CELF5: variants seen among roughly 807,000 people sequenced by gnomAD.
CELF5 encodes CUGBP Elav-like family member 5.
Under a neutral mutation model 54.9 loss-of-function variants are expected in CELF5, and 6 were observed. The observed-to-expected ratio is 0.11, with a 90% confidence interval of 0.06 to 0.22. The LOEUF (loss-of-function observed/expected upper bound fraction) is 0.22. Among genes scored for constraint, CELF5 ranks in the 10% least tolerant of loss-of-function variants. CELF5 has a pLI of 1.00. For missense variants in CELF5, 401 were observed against 678.6 expected, an observed-to-expected ratio of 0.59 and a Z score of 4.54; for synonymous variants, 271 against 290.9, an observed-to-expected ratio of 0.93 and a Z score of 0.70.
At chr19:3,263,870 A>G (rs1308201927) in intron 2 of CELF5, among the ~76,000 whole-genome samples, 3 of 152,172 alleles carry the variant, frequency 2.0e-5, no homozygotes, top group South Asian at 4.1e-4. Flanking sequence ...GCACCACTGC[A>G]CTCCAGGCTG....
At chr19:3,271,161 G>T (rs1183470495) in intron 2 of CELF5, among the ~76,000 whole-genome samples, 1 of 151,768 alleles carries the variant, frequency 6.6e-6, no homozygotes, top group Non-Finnish European at 1.5e-5. Flanking sequence ...TGCTGGGAGG[G>T]GGGAGGAGGT....
chr19:3,273,353 C>CCCTCCTCCTCCCCTACTGAGGAGGAGGGG (rs1165263517), intron 2 of CELF5, among the ~76,000 whole-genome samples: 14 of 151,642 alleles, frequency 9.2e-5, no homozygotes, highest in East Asian at 7.8e-4. Flanking sequence ...TCCATGAGGC[C>CCCTCCTCCTCCCCTACTGAGGAGGAGGGG]CCTCCTCCTC....
Position 3,228,742 on chromosome 19 carries a change from C to T in CELF5, c.259+3744C>T, listed in dbSNP as rs575944298. On this transcript the variant is annotated intron_variant, in intron 1 of 12. Transcript: ENST00000292672. The surrounding 1 kb of genome is among the most constrained non-coding windows in gnomAD (Gnocchi z 6.0). The stretch of plus-strand genomic sequence containing the variant: ...GGCTGAGCTCTGAGGCGTGAGATTC[C>T]GCGTGTGACGCACCAGCTCCAGGGA... 6.6e-6 allele frequency among the ~76,000 whole-genome samples: 1 copy of T among 150,996 alleles called. No homozygotes were observed. The highest frequency in any genetic ancestry group is 2.1e-4 in the South Asian group (1 of 4,758).
In CELF5 at chr19:3,268,954, C is replaced by T. The variant is rs139884149; in HGVS notation, c.343-4918C>T. Among the ~76,000 whole-genome samples the T allele has an allele frequency of 2.5e-3, 387 of 152,124 alleles. 4 individuals carry two copies. Among genetic ancestry groups the T allele is most frequent in the Non-Finnish European group, 4.1e-3 (281 of 67,996 alleles). On this transcript the variant is annotated intron_variant, in intron 2 of 12. Transcript: ENST00000292672. The surrounding 1 kb of genome is among the most constrained non-coding windows in gnomAD (Gnocchi z 4.4). ...CTGGGGCTGAGCAGCAAAGGGCCCT[C>T]AAATGCCAGGATCAAGGGCTGAGCC...
rs1239624329 is a variant in CELF5 at position 3,228,381 on chromosome 19, C to A, written c.259+3383C>A. Among the ~76,000 whole-genome samples, 1 of 152,164 alleles carries A rather than the reference C, an allele frequency of 6.6e-6. No homozygotes were observed. Among genetic ancestry groups the A allele is most frequent in the Non-Finnish European group, 1.5e-5 (1 of 68,016 alleles). ...GGGATTGGGGCTCCCGCTGGCCCCC[C>A]TGCAGTTCCTGCCCCGGGGACCCTC... On this transcript the variant is annotated intron_variant, in intron 1 of 12. Transcript: ENST00000292672. This position sits in a 1 kb window ranked among gnomAD's most constrained non-coding sequence, Gnocchi z 6.0.
Position 3,290,315 on chromosome 19 carries a change from G to T in CELF5, c.1271G>T (p.Gly424Val). The T allele has an allele frequency of 6.2e-7, 1 of 1,613,970 alleles. No homozygotes were observed. Among genetic ancestry groups the T allele is most frequent in the Non-Finnish European group, 8.5e-7 (1 of 1,179,962 alleles). ...TELTQMFLPFGNIISSKVFMD... is the reference protein window; with the variant it reads ...TELTQMFLPFVNIISSKVFMD... ...CTGACGCAGATGTTCCTACCCTTCG[G>T]CAATATCATTTCCTCCAAGGTGTTT... Residue 424 changes from glycine to valine, a missense_variant, in exon 11 of 13, where the codon GGC becomes GTC. This residue lies in a region of CELF5 where 59 missense variants were observed against 128.8 expected (regional missense o/e 0.46). Transcript: ENST00000292672.
rs972043417 is a variant in CELF5 at position 3,297,061 on chromosome 19, A to G, written c.*344A>G. 3 of 151,724 alleles carry G rather than the reference A, an allele frequency of 2.0e-5. No individual in the cohort carries two copies. Among genetic ancestry groups the G allele is most frequent in the Non-Finnish European group, 2.9e-5 (2 of 67,970 alleles). 9.4% of individuals were successfully genotyped at this position (151,724 alleles called of 1,614,324 possible). A position where few individuals can be genotyped will look rare whatever the true frequency, so the allele number is the denominator to read the frequency against. On this transcript the variant is annotated 3_prime_UTR_variant, in exon 13 of 13. Coordinates refer to ENST00000292672, the MANE Select transcript of CELF5 (RefSeq NM_021938.4). ...AACAACTAAAAATTTATTTAATAAAAGTTTTACTTGCTAAAGGGCTGACTC... is the reference window on the plus strand; with the variant it reads ...AACAACTAAAAATTTATTTAATAAAGGTTTTACTTGCTAAAGGGCTGACTC...
rs1373330729 is a variant in CELF5, at chr19:3,228,858, CT to C, written c.259+3861del. Among the ~76,000 whole-genome samples, 1 of 143,252 alleles carries C rather than the reference CT, an allele frequency of 7.0e-6. No homozygotes were observed. The highest frequency in any genetic ancestry group is 1.5e-5 in the Non-Finnish European group (1 of 64,950). 94.0% of individuals were successfully genotyped at this position (143,252 alleles called of 152,430 possible). On this transcript the variant is annotated intron_variant, in intron 1 of 12. Coordinates refer to ENST00000292672, the MANE Select transcript of CELF5 (RefSeq NM_021938.4). This position sits in a 1 kb window ranked among gnomAD's most constrained non-coding sequence, Gnocchi z 6.0. The stretch of plus-strand genomic sequence containing the variant: ...GACAGCGGCAGGGGGCTGGGGGTGG[CT>C]GGCAGGGTTGGCCGGCGTGTGTGTG...
chr19:3,263,221 T>C (rs1430396836), intron 2 of CELF5, among the ~76,000 whole-genome samples: 11 of 124,354 alleles, frequency 8.8e-5, no homozygotes, highest in Admixed American at 7.1e-4. Context: ...CACTCCAGCC[T>C]GGGCAACAGA....
At chr19:3,272,713 C>T (rs2079987001) in intron 2 of CELF5, among the ~76,000 whole-genome samples, 1 of 152,136 alleles carries the variant, frequency 6.6e-6, no homozygotes, top group African/African-American at 2.4e-5. Flanking sequence ...TAGACACTTA[C>T]AGCCTGAGGG....
rs374076732 is a variant in CELF5 at position 3,275,432 on chromosome 19, C to G, written c.395-424C>G. 9.8e-4 allele frequency among the ~76,000 whole-genome samples: 150 copies of G among 152,318 alleles called. 4 individuals are homozygous for G. In the East Asian group the frequency reaches 0.026, roughly 26 times the overall value. On this transcript the variant is annotated intron_variant, in intron 3 of 12. Coordinates refer to ENST00000292672, the MANE Select transcript of CELF5 (RefSeq NM_021938.4). This position sits in a 1 kb window ranked among gnomAD's most constrained non-coding sequence, Gnocchi z 6.7. ...AGTGCCCACCTCCGCCTGGCAGGTC[C>G]GGGGAGCAGACAGAAAGACAGACAG...
At chr19:3,261,158 G>C (rs2145183890) in intron 2 of CELF5, among the ~76,000 whole-genome samples, 1 of 152,224 alleles carries the variant, frequency 6.6e-6, no homozygotes, top group Non-Finnish European at 1.5e-5. Context: ...AGTGGTTCAT[G>C]CCTGTAATCC....
chr19:3,259,556 A>G (rs2079779284), intron 2 of CELF5, among the ~76,000 whole-genome samples: 1 of 151,954 alleles, frequency 6.6e-6, no homozygotes, highest in African/African-American at 2.4e-5. Context: ...AACCAGGAGG[A>G]CCCCAGCTCC....
chr19:3,257,343 G>T (rs1365958015), intron 2 of CELF5, among the ~76,000 whole-genome samples: 1 of 152,162 alleles, frequency 6.6e-6, no homozygotes, highest in African/African-American at 2.4e-5. Flanking sequence ...AGGAGAGGGG[G>T]AAGAGGAAGC....
rs534781928 is a variant in CELF5, at chr19:3,292,576, G to A, written c.1331-743G>A. Among the ~76,000 whole-genome samples, 13 of 152,244 alleles carry A rather than the reference G, an allele frequency of 8.5e-5. No homozygotes were observed. The South Asian group carries it at 2.1e-3, about 24-fold the overall frequency. On this transcript the variant is annotated intron_variant, in intron 11 of 12. Transcript: ENST00000292672. Reference sequence around the variant, plus strand: ...TGGGATTACAGGCGTGAGCCACCACGCCTGGCCATGGGGTGGAGTATTTCT... The same window carrying A: ...TGGGATTACAGGCGTGAGCCACCACACCTGGCCATGGGGTGGAGTATTTCT...
In CELF5 at chr19:3,228,626, C is replaced by G. The variant is rs1340797442; in HGVS notation, c.259+3628C>G. ...GGGGACGGTGCAGGTGGGGGGGGGG[C>G]CCGGCGGGGGCCCGGGTGGGGGCCC... On this transcript the variant is annotated intron_variant, in intron 1 of 12. Transcript: ENST00000292672. The surrounding 1 kb of genome is among the most constrained non-coding windows in gnomAD (Gnocchi z 6.0). 7.3e-5 allele frequency among the ~76,000 whole-genome samples: 11 copies of G among 149,842 alleles called. No individual in the cohort carries two copies. Among genetic ancestry groups the G allele is most frequent in the South Asian group, 2.1e-4 (1 of 4,686 alleles).
chr19:3,225,500 GC>G, intron 1 of CELF5: 1 of 453,966 alleles, frequency 2.2e-6, no homozygotes, highest in Non-Finnish European at 2.8e-6. Context: ...GCCTCCCCAG[GC>G]CCCGTCGGGG....
At chr19:3,244,226 T>G (rs1346056960) in intron 1 of CELF5, among the ~76,000 whole-genome samples, 1 of 152,014 alleles carries the variant, frequency 6.6e-6, no homozygotes, top group African/African-American at 2.4e-5. Context: ...GGCGGGCTTT[T>G]GTGAGCATGC....
rs201871615 is a variant in CELF5, at chr19:3,281,383, G to A, written c.750+38G>A. ...GTGACAGCTTCGGGGCTCCGGCTCC[G>A]TCTCTCTCAGTCTCTGTCTACTCTC... is the stretch of plus-strand genomic sequence containing the variant. On this transcript the variant is annotated intron_variant, in intron 6 of 12. Coordinates refer to ENST00000292672, the MANE Select transcript of CELF5 (RefSeq NM_021938.4). This position sits in a 1 kb window ranked among gnomAD's most constrained non-coding sequence, Gnocchi z 6.5. The A allele has an allele frequency of 2.9e-5, 46 of 1,570,292 alleles. No individual in the cohort carries two copies. Among genetic ancestry groups the A allele is most frequent in the Admixed American group, 2.9e-4 (17 of 59,144 alleles).
Sources: allele counts gnomAD v4.1 joint callset (sites outside exome capture counted in the v4.1 genomes callset), GRCh38; gene constraint gnomAD v4.1.1; regional missense constraint gnomAD v4.1.1; non-coding constraint Gnocchi (gnomAD v3.1); transcripts MANE v1.5; gene names NCBI Gene and HGNC (gene_info 2026-07-23, HGNC 2026-07-21).